Variants in ADAM7 observed in about 807,000 individuals in gnomAD.
The protein encoded by ADAM7 is ADAM metallopeptidase domain 7, also known as disintegrin and metalloproteinase domain-containing protein 7.
A neutral mutation model predicts 102.9 loss-of-function variants in ADAM7; 97 were observed. That is an observed-to-expected ratio of 0.94 (90% confidence interval 0.80 to 1.12). The LOEUF (loss-of-function observed/expected upper bound fraction) is 1.12, where lower values mean the gene tolerates loss of function less well. ADAM7 is among the 50% of genes most tolerant of loss of function. The pLI is 0.00. For missense variants in ADAM7, 991 were observed against 908.7 expected (o/e 1.09, Z -1.16); for synonymous variants, 334 against 304.4 (o/e 1.10, Z -1.01).
chr8:24,463,986 T>A, intron 4 of ADAM7, 26 bp downstream of exon 4: 3 of 1,585,372 alleles, frequency 1.9e-6, no homozygotes, highest in Non-Finnish European at 2.6e-6. Context: ...TTACTGTGTC[T>A]CTTCTCTAAA....
At chr8:24,492,687 T>C in intron 15 of ADAM7, 90 bp downstream of exon 15, 2 of 856,104 alleles carry the variant, frequency 2.3e-6, no homozygotes, top group Non-Finnish European at 3.7e-6. Context: ...TGTTAATCTC[T>C]TTTTACTGAG....
chr8:24,474,231 T>C (rs1819696754), intron 7 of ADAM7, among the ~76,000 whole-genome samples: 1 of 152,140 alleles, frequency 6.6e-6, no homozygotes, highest in Admixed American at 6.6e-5. Flanking sequence ...AAATCAAAAT[T>C]AGTAAGTTCT....
At chr8:24,477,885 T>G (rs977560539) in intron 8 of ADAM7, among the ~76,000 whole-genome samples, 7 of 152,142 alleles carry the variant, frequency 4.6e-5, no homozygotes, top group Non-Finnish European at 8.8e-5. Context: ...TCTAGCCTAC[T>G]GATGTACTCA....
intron 7 of ADAM7, among the ~76,000 whole-genome samples, chr8:24,471,077 T>G (rs1490512417): frequency 6.6e-6 from 1 of 151,794 alleles, no homozygotes; most frequent in African/African-American, 2.4e-5. Flanking sequence ...GTCTTAGCTT[T>G]TAACAAAAAA....
intron 2 of ADAM7, among the ~76,000 whole-genome samples, chr8:24,446,524 A>G (rs1266071161): frequency 6.6e-6 from 1 of 152,140 alleles, no homozygotes; most frequent in Non-Finnish European, 1.5e-5. Flanking sequence ...AGCTCTGTCC[A>G]ACGACAGGGA....
At chr8:24,470,242 T>TA (rs906251095) in intron 7 of ADAM7, among the ~76,000 whole-genome samples, 17 of 152,056 alleles carry the variant, frequency 1.1e-4, no homozygotes, top group African/African-American at 4.1e-4. Context: ...TGAAAAATGT[T>TA]ATAAAATTTA....
rs1310287870 is a variant in ADAM7 at position 24,471,014 on chromosome 8, T to C, written c.633+2194T>C. ...GGACAAGATATGGAGGTGAAGACAA[T>C]GATAGTGATGGTCCTGATTTTGTGT... On this transcript the variant is annotated intron_variant, in intron 7 of 21. Transcript: ENST00000175238. 5.9e-5 allele frequency among the ~76,000 whole-genome samples: 9 copies of C among 151,998 alleles called. No individual in the cohort carries two copies. The East Asian group carries it at 1.7e-3, about 29-fold the overall frequency.
At chr8:24,484,694 G>A (rs1158297720) in intron 9 of ADAM7, among the ~76,000 whole-genome samples, 1 of 151,946 alleles carries the variant, frequency 6.6e-6, no homozygotes, top group African/African-American at 2.4e-5. Flanking sequence ...CCAAAGCTGA[G>A]GGCAGAGTAG....
At chr8:24,457,463 A>G (rs1052233956) in intron 3 of ADAM7, among the ~76,000 whole-genome samples, 5 of 152,018 alleles carry the variant, frequency 3.3e-5, no homozygotes, top group African/African-American at 4.8e-5. Context: ...TTTAGTAGAG[A>G]TGGGGTTTCA....
intron 20 of ADAM7, among the ~76,000 whole-genome samples, chr8:24,502,906 G>A (rs1328743187): frequency 2.5e-5 from 2 of 81,526 alleles, no homozygotes; most frequent in African/African-American, 1.1e-4. Flanking sequence ...ACCTATAAAA[G>A]TCATTACAAG....
Position 24,463,893 on chromosome 8 carries a change from G to T in ADAM7, c.245G>T (p.Gly82Val), listed in dbSNP as rs1298707968. 20 of 1,613,508 alleles carry T rather than the reference G, an allele frequency of 1.2e-5. No homozygotes were observed. The highest frequency in any genetic ancestry group is 1.7e-5 in the Non-Finnish European group (20 of 1,179,672). ...LHLLRSREFL[G>V]SNYSETFYSM... ...GCCCTCTTTTTCAGGGAGTTCCTAG[G>T]CTCAAATTACAGTGAAACATTCTAC... Residue 82 changes from glycine to valine, a missense_variant, in exon 4 of 22, where the codon GGC (glycine) becomes GTC (valine). By Grantham distance (109) the Gly-to-Val change is moderately radical. Coordinates refer to ENST00000175238, the MANE Select transcript of ADAM7 (RefSeq NM_003817.4).
intron 4 of ADAM7, among the ~76,000 whole-genome samples, chr8:24,464,284 C>G (rs557095692): frequency 6.6e-6 from 1 of 152,128 alleles, no homozygotes; most frequent in East Asian, 1.9e-4. Flanking sequence ...AGGCTGTGAT[C>G]AAGCTAAACG....
chr8:24,483,915 T>C (rs1296139464), intron 9 of ADAM7, among the ~76,000 whole-genome samples: 1 of 152,104 alleles, frequency 6.6e-6, no homozygotes, highest in African/African-American at 2.4e-5. Context: ...TGTCTGCAAG[T>C]GAGGAGATGG....
chr8:24,500,219 GGCACCTGTA>G lies in ADAM7; in HGVS notation c.1968_1976del (p.Pro657_Ala659del). 3 of 1,612,208 alleles carry G rather than the reference GGCACCTGTA, an allele frequency of 1.9e-6. No homozygotes were observed. In the East Asian group the frequency reaches 6.7e-5, roughly 36 times the overall value. ...TCCAGTGCCACTGTGAGGAAGGACA[GGCACCTGTA>G]GCCTGTGAAGAAACCTTACATGTTA... On this transcript the variant is annotated inframe_deletion, in exon 18 of 22. Transcript: ENST00000175238.
chr8:24,443,719 C>A (rs530064885), intron 2 of ADAM7, among the ~76,000 whole-genome samples: 1 of 152,244 alleles, frequency 6.6e-6, no homozygotes, highest in African/African-American at 2.4e-5. Context: ...GGGCAGATCA[C>A]GTGAGGCCAG....
intron 12 of ADAM7, among the ~76,000 whole-genome samples, chr8:24,489,827 C>G (rs896361268): frequency 6.6e-6 from 1 of 152,136 alleles, no homozygotes; most frequent in Non-Finnish European, 1.5e-5. Flanking sequence ...TTAGGAAAAG[C>G]CCTTGAGGCA....
intron 3 of ADAM7, among the ~76,000 whole-genome samples, chr8:24,456,521 G>A (rs531819917): frequency 6.6e-6 from 1 of 152,018 alleles, no homozygotes; most frequent in Non-Finnish European, 1.5e-5. Context: ...CATCCATTGA[G>A]CTCTGGCAAA....
chr8:24,483,348 C>T (rs918754941), intron 9 of ADAM7, among the ~76,000 whole-genome samples: 15 of 152,132 alleles, frequency 9.9e-5, no homozygotes, highest in African/African-American at 3.4e-4. Context: ...TGGAGCGATG[C>T]CATCTTTTAG....
intron 12 of ADAM7, 38 bp from the exon 13 acceptor site, chr8:24,490,761 A>C (rs536131082): frequency 1.3e-6 from 2 of 1,595,448 alleles, no homozygotes; most frequent in South Asian, 2.3e-5. Flanking sequence ...GTCAGAGTAC[A>C]TACCAATTTC....
Sources: gnomAD v4.1 joint callset for allele counts (sites outside exome capture counted in the v4.1 genomes callset) on GRCh38, gnomAD v4.1.1 for gene constraint, MANE v1.5 for transcripts, NCBI Gene and HGNC (gene_info 2026-07-23, HGNC 2026-07-21) for gene names.